Variants in ARRB1 observed in about 807,000 individuals in gnomAD.
The protein encoded by ARRB1 is beta-arrestin-1.
Under a neutral mutation model 56.8 loss-of-function variants are expected in ARRB1, and 21 were observed. The observed-to-expected ratio is 0.37, with a 90% CI of 0.26 to 0.53. The LOEUF is 0.53. Among genes scored for constraint, ARRB1 ranks in the 20% least tolerant of loss-of-function variants. ARRB1 has a pLI of 0.88. For missense variants in ARRB1, 424 were observed against 553.7 expected (o/e 0.77, Z 2.35); for synonymous variants, 210 against 218.6 (o/e 0.96, Z 0.35).
chr11:75,315,442 G>A (rs979509081), intron 1 of ARRB1, among the ~76,000 whole-genome samples: 2 of 151,970 alleles, frequency 1.3e-5, no homozygotes, highest in African/African-American at 4.8e-5. Flanking sequence ...AAACTGCGTG[G>A]GTAACATCTT....
intron 1 of ARRB1, among the ~76,000 whole-genome samples, chr11:75,314,251 C>T (rs571414049): frequency 6.6e-6 from 1 of 152,252 alleles, no homozygotes; most frequent in Non-Finnish European, 1.5e-5. Flanking sequence ...CAGGGGTCAG[C>T]CCACAATGGC....
At chr11:75,289,893 G>A in intron 2 of ARRB1, 116 bp downstream of exon 2, 1 of 1,464,456 alleles carries the variant, frequency 6.8e-7, no homozygotes, top group South Asian at 1.1e-5. Context: ...AGCAGCACCT[G>A]CCCCCTCCCA....
At chr11:75,266,649 A>G (rs897280414) in intron 15 of ARRB1, among the ~76,000 whole-genome samples, 11 of 152,246 alleles carry the variant, frequency 7.2e-5, no homozygotes, top group African/African-American at 2.2e-4. Flanking sequence ...CCAGGCCACC[A>G]GTAGTTTCAC....
At chr11:75,311,213 G>A (rs967264541) in intron 1 of ARRB1, among the ~76,000 whole-genome samples, 6 of 152,202 alleles carry the variant, frequency 3.9e-5, no homozygotes, top group African/African-American at 7.2e-5. Flanking sequence ...GCACATGCCT[G>A]TAATCCCAGC....
intron 1 of ARRB1, among the ~76,000 whole-genome samples, chr11:75,323,805 G>T (rs1234116420): frequency 3.3e-5 from 5 of 152,036 alleles, no homozygotes; most frequent in Admixed American, 6.6e-5. Context: ...GGAAGTGACG[G>T]GATAGCTCCA....
chr11:75,321,268 C>T (rs141824154), intron 1 of ARRB1, among the ~76,000 whole-genome samples: 1,693 of 147,080 alleles, frequency 0.012, 19 homozygotes, highest in Middle Eastern at 0.042. Context: ...CCTGCTCACC[C>T]CCCCCCACCA....
At position 75,266,106 on chromosome 11, in the gene ARRB1, A is replaced by G; in HGVS notation, c.*57T>C. 4.4e-6 allele frequency: 6 copies of G among 1,375,422 alleles called. No individual in the cohort carries two copies. The highest frequency in any genetic ancestry group is 5.2e-6 in the Non-Finnish European group (5 of 963,536). The allele number at this position is 1,375,422 out of a possible 1,614,324, so 85.2% of individuals were successfully genotyped here. ...AAACCAGAACAGGAAGAAGACGAGTAAGCATCCGAGTGCACGAGAGTGGAG... is the reference window on the plus strand; with the variant it reads ...AAACCAGAACAGGAAGAAGACGAGTGAGCATCCGAGTGCACGAGAGTGGAG... On this transcript the variant is annotated 3_prime_UTR_variant, in exon 16 of 16. Transcript: ENST00000420843.
At chr11:75,292,433 G>A (rs773684536) in intron 1 of ARRB1, among the ~76,000 whole-genome samples, 1 of 152,160 alleles carries the variant, frequency 6.6e-6, no homozygotes, top group Admixed American at 6.5e-5. Context: ...GAGCCACCGC[G>A]TCCAGCTTCC....
At chr11:75,332,424 A>G (rs1229471501) in intron 1 of ARRB1, among the ~76,000 whole-genome samples, 1 of 152,174 alleles carries the variant, frequency 6.6e-6, no homozygotes, top group Non-Finnish European at 1.5e-5. Flanking sequence ...AAAGTCTAGC[A>G]CCTTTTAAAG....
intron 1 of ARRB1, among the ~76,000 whole-genome samples, chr11:75,338,377 T>C (rs1360637530): frequency 6.6e-6 from 1 of 152,086 alleles, no homozygotes. Flanking sequence ...AGGAGAACAG[T>C]ACTTTGGGAG....
intron 6 of ARRB1, 67 bp downstream of exon 6, chr11:75,281,895 G>A: frequency 1.3e-6 from 2 of 1,524,928 alleles, no homozygotes; most frequent in Non-Finnish European, 1.8e-6. Flanking sequence ...CTCCCAGGGA[G>A]AAAGCCAGGG....
At chr11:75,304,954 C>T (rs546159339) in intron 1 of ARRB1, among the ~76,000 whole-genome samples, 1 of 147,450 alleles carries the variant, frequency 6.8e-6, no homozygotes, top group African/African-American at 2.5e-5. Context: ...TGTGAACTTA[C>T]AATTAAATAA....
At position 75,299,980 on chromosome 11, in the gene ARRB1, G is replaced by A. The variant is rs569485035; in HGVS notation, c.21-9941C>T. 2.0e-5 allele frequency among the ~76,000 whole-genome samples: 3 copies of A among 152,234 alleles called. No homozygotes were observed. The East Asian group carries it at 5.8e-4, about 29-fold the overall frequency. On this transcript the variant is annotated intron_variant, in intron 1 of 15. Coordinates refer to ENST00000420843, the MANE Select transcript of ARRB1 (RefSeq NM_004041.5). The stretch of plus-strand genomic sequence containing the variant: ...CCAGCACTTTAGGAGGCCGAGGGGG[G>A]CAGATCACGAGGTCAGGAGTTTGAG...
At chr11:75,333,568 TG>T (rs1947552798) in intron 1 of ARRB1, among the ~76,000 whole-genome samples, 1 of 152,204 alleles carries the variant, frequency 6.6e-6, no homozygotes, top group Non-Finnish European at 1.5e-5. Flanking sequence ...CAGCATGTAT[TG>T]AGCACCTACT....
At chr11:75,308,595 A>T (rs1441041309) in intron 1 of ARRB1, among the ~76,000 whole-genome samples, 2 of 152,132 alleles carry the variant, frequency 1.3e-5, no homozygotes, top group African/African-American at 4.8e-5. Context: ...AATAAAAAAA[A>T]TTAGCTGGGT....
chr11:75,306,445 T>C (rs1467908878), intron 1 of ARRB1: 1 of 545,236 alleles, frequency 1.8e-6, no homozygotes, highest in Non-Finnish European at 3.2e-6. Flanking sequence ...CAGAGGCTGG[T>C]GCGCAGGAAG....
chr11:75,276,605 C>T (rs149278685), intron 10 of ARRB1, among the ~76,000 whole-genome samples: 21 of 152,308 alleles, frequency 1.4e-4, no homozygotes, highest in African/African-American at 4.3e-4. Flanking sequence ...TGTTTTGTCA[C>T]TCTAGTTTTA....
At chr11:75,313,517 T>C (rs895524314) in intron 1 of ARRB1, among the ~76,000 whole-genome samples, 7 of 152,066 alleles carry the variant, frequency 4.6e-5, no homozygotes, top group Non-Finnish European at 7.4e-5. Flanking sequence ...GAGAGAGAAC[T>C]GGAGAAGGTT....
intron 1 of ARRB1, among the ~76,000 whole-genome samples, chr11:75,349,484 T>C (rs1374754331): frequency 6.6e-6 from 1 of 152,192 alleles, no homozygotes; most frequent in Non-Finnish European, 1.5e-5. Flanking sequence ...AAGCCCATGG[T>C]GTCCACATCT....
Sources: allele counts gnomAD v4.1 joint callset (sites outside exome capture counted in the v4.1 genomes callset), GRCh38; gene constraint gnomAD v4.1.1; transcripts MANE v1.5; gene names NCBI Gene and HGNC (gene_info 2026-07-23, HGNC 2026-07-21).